AP4S1: variants seen among roughly 807,000 people sequenced by gnomAD.
The protein encoded by AP4S1 is AP-4 complex subunit sigma-1.
A neutral mutation model predicts 19.8 loss-of-function variants in AP4S1; 23 were observed. That is an observed-to-expected ratio of 1.16 (90% confidence interval 0.84 to 1.65). The LOEUF (loss-of-function observed/expected upper bound fraction) is 1.65. AP4S1 is among the 40% of genes most tolerant of loss of function. The probability of loss-of-function intolerance (pLI) is 0.00; values close to 1 mark genes in which losing one functional copy is unlikely to be tolerated. For synonymous variants in AP4S1, 46 were observed against 54.1 expected, an observed-to-expected ratio of 0.85 and a Z score of 0.66; for missense variants, 166 against 172.8, an observed-to-expected ratio of 0.96 and a Z score of 0.22.
chr14:31,025,933 G>A, intron 1 of AP4S1, 146 bp downstream of exon 1: 4 of 1,600,976 alleles, frequency 2.5e-6, no homozygotes, highest in East Asian at 2.3e-5. Context: ...ACCTCCCAGT[G>A]CGCCCGCTCC....
intron 5 of AP4S1, among the ~76,000 whole-genome samples, chr14:31,092,510 G>C (rs1391885347): frequency 6.6e-6 from 1 of 152,190 alleles, no homozygotes; most frequent in African/African-American, 2.4e-5. Context: ...TCAACACACT[G>C]TCTGGAACGG....
intron 1 of AP4S1, among the ~76,000 whole-genome samples, chr14:31,044,165 A>G (rs1306371816): frequency 1.3e-5 from 2 of 152,210 alleles, no homozygotes; most frequent in Admixed American, 1.3e-4. Flanking sequence ...AAACCAAGTA[A>G]CAATATAGAA....
Position 31,028,798 on chromosome 14 carries a change from C to T in AP4S1, c.-72+3011C>T, listed in dbSNP as rs55696766. ...GCGTGGTGGCGCTTGCCTGTAATCC[C>T]AGCTTCTCTGGAGGCAGAGGGGGCA... On this transcript the variant is annotated intron_variant, in intron 1 of 5. Transcript: ENST00000542754. 3.8e-3 allele frequency among the ~76,000 whole-genome samples: 578 copies of T among 152,262 alleles called. 2 individuals carry two copies. Among genetic ancestry groups the T allele is most frequent in the African/African-American group, 0.013 (543 of 41,554 alleles).
intron 5 of AP4S1, among the ~76,000 whole-genome samples, chr14:31,081,148 T>G (rs1374916839): frequency 1.3e-5 from 2 of 152,098 alleles, no homozygotes; most frequent in African/African-American, 2.4e-5. Flanking sequence ...TAGTAGTTAA[T>G]AGCTACTATT....
rs150399280 is a variant in AP4S1, at chr14:31,050,141, C to T, written c.-71-15985C>T. Among the ~76,000 whole-genome samples the T allele has an allele frequency of 3.0e-3, 458 of 152,270 alleles. 3 individuals carry two copies. Among genetic ancestry groups the T allele is most frequent in the African/African-American group, 5.4e-3 (224 of 41,556 alleles). ...TTCACCATGTTGGTCAGGCTGGTCT[C>T]GAACTCCTGACCTCAGGTGATCCAC... On this transcript the variant is annotated intron_variant, in intron 1 of 5. Transcript: ENST00000542754.
chr14:31,052,545 T>C (rs983472581), intron 1 of AP4S1, among the ~76,000 whole-genome samples: 3 of 151,692 alleles, frequency 2.0e-5, no homozygotes, highest in Admixed American at 6.6e-5. Context: ...GCCAACATGG[T>C]GAAACCCCTT....
intron 1 of AP4S1, among the ~76,000 whole-genome samples, chr14:31,061,951 C>T (rs936130395): frequency 2.0e-5 from 3 of 151,470 alleles, no homozygotes; most frequent in Non-Finnish European, 2.9e-5. Context: ...GCTGTAAAAT[C>T]GCATTTTTAA....
intron 1 of AP4S1, among the ~76,000 whole-genome samples, chr14:31,027,610 C>G (rs1359313573): frequency 6.6e-6 from 1 of 152,106 alleles, no homozygotes; most frequent in Non-Finnish European, 1.5e-5. Context: ...TGCAGAGAGC[C>G]GAGATCGCAC....
chr14:31,073,439 G>T (rs576076187), intron 4 of AP4S1, among the ~76,000 whole-genome samples: 1 of 140,028 alleles, frequency 7.1e-6, no homozygotes. Context: ...GCAGTGAGCC[G>T]AGATCCCGCC....
chr14:31,072,967 C>G lies in AP4S1; in HGVS notation c.288C>G (p.Ser96Arg). 2 of 1,613,466 alleles carry G rather than the reference C, an allele frequency of 1.2e-6. No homozygotes were observed. The highest frequency in any genetic ancestry group is 1.7e-6 in the Non-Finnish European group (2 of 1,179,474). ...TGGAAGTTTTAGATGAGTATTTCAG[C>G]CGAGTGGTAAGTCTAATGGCTAAAA... is the stretch of plus-strand genomic sequence containing the variant. ...NFVEVLDEYF[S>R]RVSELDIMFN... The change falls in exon 4 of 6, where the codon AGC becomes AGG. Residue 96 changes from serine to arginine, a missense_variant. By Grantham distance (110) the Ser-to-Arg change is moderately radical. Transcript: ENST00000542754.
At chr14:31,061,743 A>G (rs894730999) in intron 1 of AP4S1, among the ~76,000 whole-genome samples, 1 of 152,006 alleles carries the variant, frequency 6.6e-6, no homozygotes, top group Non-Finnish European at 1.5e-5. Context: ...CCCGGGTTCA[A>G]GTGATTCTCC....
intron 1 of AP4S1, among the ~76,000 whole-genome samples, chr14:31,057,595 T>C (rs777759151): frequency 6.6e-6 from 1 of 152,114 alleles, no homozygotes; most frequent in Non-Finnish European, 1.5e-5. Flanking sequence ...TATTCTACTT[T>C]TATGTTGTTT....
At chr14:31,032,174 G>T (rs1884435955) in intron 1 of AP4S1, among the ~76,000 whole-genome samples, 1 of 152,116 alleles carries the variant, frequency 6.6e-6, no homozygotes, top group African/African-American at 2.4e-5. Flanking sequence ...CTGAGGTCAG[G>T]AGTTCGAGAC....
rs758748011 is a variant in AP4S1, at chr14:31,069,841, A to G, written c.139-2A>G. 6.8e-6 allele frequency: 11 copies of G among 1,606,458 alleles called. No homozygotes were observed. In the South Asian group the frequency reaches 1.2e-4, roughly 18 times the overall value. On this transcript the variant is annotated splice_acceptor_variant, in intron 2 of 5. Transcript: ENST00000542754. LOFTEE classifies it high-confidence loss of function. The stretch of plus-strand genomic sequence containing the variant: ...ATTAATATCTCATTGTGTTTTGTCT[A>G]GTGCTCTTTCATTGAATATAAGGAT...
intron 1 of AP4S1, among the ~76,000 whole-genome samples, chr14:31,030,799 C>G (rs1259894169): frequency 8.5e-5 from 13 of 152,220 alleles, no homozygotes; most frequent in Non-Finnish European, 1.5e-5. Context: ...ACCAACCACT[C>G]TGGCTTCCTC....
chr14:31,029,783 C>T (rs1021252329), intron 1 of AP4S1, among the ~76,000 whole-genome samples: 1 of 151,574 alleles, frequency 6.6e-6, no homozygotes, highest in Non-Finnish European at 1.5e-5. Flanking sequence ...CATCATTATG[C>T]CACTGCACTC....
At chr14:31,087,258 T>C (rs1017301490) in intron 5 of AP4S1, among the ~76,000 whole-genome samples, 1 of 152,158 alleles carries the variant, frequency 6.6e-6, no homozygotes, top group Non-Finnish European at 1.5e-5. Context: ...TCCCAATCCA[T>C]AGAGCTACTT....
chr14:31,030,508 A>AT (rs1218742226), intron 1 of AP4S1, among the ~76,000 whole-genome samples: 1 of 151,876 alleles, frequency 6.6e-6, no homozygotes, highest in African/African-American at 2.4e-5. Flanking sequence ...ACTCCAGGCT[A>AT]TTTTTTGTTT....
rs150832293 is a variant in AP4S1, at chr14:31,032,671, G to A, written c.-72+6884G>A. Among the ~76,000 whole-genome samples, 1,023 of 152,050 alleles carry A rather than the reference G, an allele frequency of 6.7e-3. 7 individuals carry two copies. Among genetic ancestry groups the A allele is most frequent in the Non-Finnish European group, 9.9e-3 (671 of 67,986 alleles). On this transcript the variant is annotated intron_variant, in intron 1 of 5. Transcript: ENST00000542754. ...CCCAAGCAGCCTCCCAAGTAGCTGG[G>A]ACTACAGGCATGTGCCACCATGACC...
Sources: allele counts gnomAD v4.1 joint callset (sites outside exome capture counted in the v4.1 genomes callset), GRCh38; gene constraint gnomAD v4.1.1; transcripts MANE v1.5; gene names NCBI Gene and HGNC (gene_info 2026-07-23, HGNC 2026-07-21).